SMYD3: variants seen among roughly 807,000 people sequenced by gnomAD.
SMYD3 encodes histone-lysine N-methyltransferase SMYD3.
A neutral mutation model predicts 57.7 loss-of-function variants in SMYD3; 36 were observed. The observed-to-expected ratio is 0.62, with a 90% CI of 0.48 to 0.82. The LOEUF is 0.82. Among genes scored for constraint, SMYD3 ranks in the 40% least tolerant of loss-of-function variants. The pLI, the probability that SMYD3 is intolerant of heterozygous loss-of-function variation, is 0.00. For missense variants in SMYD3, 515 were observed against 538.8 expected (o/e 0.96, Z 0.44); for synonymous variants, 211 against 195.0 (o/e 1.08, Z -0.68).
chr1:245,816,734 G>T (rs1009010048), intron 10 of SMYD3, among the ~76,000 whole-genome samples: 3 of 152,108 alleles, frequency 2.0e-5, no homozygotes, highest in African/African-American at 4.8e-5. Context: ...TGCCTCACTC[G>T]GGAAGCGCCA....
chr1:246,499,134 G>T (rs761112388), intron 1 of SMYD3, among the ~76,000 whole-genome samples: 8 of 151,530 alleles, frequency 5.3e-5, no homozygotes, highest in Non-Finnish European at 8.8e-5. Context: ...GTAAAGCAAT[G>T]CAATTCTCAT....
Position 246,116,990 on chromosome 1 carries a change from C to T in SMYD3, c.532-187053G>A, listed in dbSNP as rs556473569. Among the ~76,000 whole-genome samples the T allele has an allele frequency of 4.6e-5, 7 of 152,274 alleles. No homozygotes were observed. The East Asian group carries it at 1.3e-3, about 29-fold the overall frequency. On this transcript the variant is annotated intron_variant, in intron 5 of 11. Coordinates refer to ENST00000490107, the MANE Select transcript of SMYD3 (RefSeq NM_001167740.2). ...ATGGTTTTCCTTAAAAACTCTTACT[C>T]CAGTGGATAAATTATAAATATTAGA...
intron 5 of SMYD3, among the ~76,000 whole-genome samples, chr1:246,103,376 A>G (rs1227284591): frequency 3.3e-5 from 5 of 151,940 alleles, no homozygotes; most frequent in Non-Finnish European, 7.4e-5. Context: ...TGGATGCAAA[A>G]ATTATCTGTA....
intron 5 of SMYD3, among the ~76,000 whole-genome samples, chr1:246,127,243 G>A (rs1358762026): frequency 6.6e-6 from 1 of 152,074 alleles, no homozygotes; most frequent in African/African-American, 2.4e-5. Flanking sequence ...CAAGGCACCA[G>A]TTCCCATGCC....
intron 1 of SMYD3, among the ~76,000 whole-genome samples, chr1:246,444,820 GTCAT>G (rs2067529397): frequency 6.6e-6 from 1 of 152,158 alleles, no homozygotes; most frequent in Non-Finnish European, 1.5e-5. Context: ...AAAGCTGTCA[GTCAT>G]AATGTTCTAA....
intron 5 of SMYD3, 26 bp downstream of exon 5, chr1:246,327,175 T>C (rs907225690): frequency 6.2e-7 from 1 of 1,612,980 alleles, no homozygotes; most frequent in Admixed American, 1.7e-5. Context: ...TGTATGGAAT[T>C]AGCAAAGAGC....
At chr1:245,805,264 GA>G (rs1176380386) in intron 10 of SMYD3, among the ~76,000 whole-genome samples, 8 of 151,120 alleles carry the variant, frequency 5.3e-5, no homozygotes, top group Middle Eastern at 3.4e-3. Context: ...TAATATAAGA[GA>G]GGGGCAAGTT....
At chr1:246,101,541 A>G (rs2061015906) in intron 5 of SMYD3, among the ~76,000 whole-genome samples, 1 of 152,228 alleles carries the variant, frequency 6.6e-6, no homozygotes, top group African/African-American at 2.4e-5. Flanking sequence ...TTAAAAGCTT[A>G]GCTCATAACT....
intron 1 of SMYD3, among the ~76,000 whole-genome samples, chr1:246,464,851 C>T (rs2067859443): frequency 6.6e-6 from 1 of 152,304 alleles, no homozygotes; most frequent in African/African-American, 2.4e-5. Context: ...TAGCATCTTC[C>T]TTTGTTCTCT....
At chr1:245,808,653 G>A (rs564289894) in intron 10 of SMYD3, among the ~76,000 whole-genome samples, 13 of 152,258 alleles carry the variant, frequency 8.5e-5, no homozygotes, top group African/African-American at 2.2e-4. Flanking sequence ...TTGTGCAGGT[G>A]TAGTTGTCTC....
intron 5 of SMYD3, among the ~76,000 whole-genome samples, chr1:246,236,214 T>C (rs1195097477): frequency 6.6e-6 from 1 of 152,122 alleles, no homozygotes; most frequent in Non-Finnish European, 1.5e-5. Flanking sequence ...ATACATTTAA[T>C]TATTTATTTA....
chr1:246,431,740 A>T (rs2067299619), intron 1 of SMYD3, among the ~76,000 whole-genome samples: 1 of 152,130 alleles, frequency 6.6e-6, no homozygotes, highest in African/African-American at 2.4e-5. Context: ...TCAAAAAACA[A>T]ATAAATAAAT....
intron 5 of SMYD3, among the ~76,000 whole-genome samples, chr1:246,179,918 G>A (rs1057492063): frequency 6.6e-6 from 1 of 152,104 alleles, no homozygotes; most frequent in Non-Finnish European, 1.5e-5. Flanking sequence ...CTGGCTCTCA[G>A]TCTGGTCAGA....
chr1:246,078,877 C>A (rs1204914892), intron 5 of SMYD3, among the ~76,000 whole-genome samples: 2 of 152,200 alleles, frequency 1.3e-5, no homozygotes, highest in African/African-American at 4.8e-5. Context: ...ATTTACTGAG[C>A]ACCAAGTATC....
chr1:246,506,994 C>CCCCCCCCCCCCCCCCCCCCCA, intron 1 of SMYD3, 60 bp downstream of exon 1: 3 of 894,048 alleles, frequency 3.4e-6, no homozygotes, highest in East Asian at 4.5e-5. Flanking sequence ...CCGACGCCCC[C>CCCCCCCCCCCCCCCCCCCCCA]CCCTCCCCAG....
chr1:246,115,139 G>C (rs1157358605), intron 5 of SMYD3, among the ~76,000 whole-genome samples: 1 of 146,548 alleles, frequency 6.8e-6, no homozygotes, highest in Non-Finnish European at 1.5e-5. Context: ...TACAGGGAGA[G>C]AAATCAACAA....
intron 10 of SMYD3, among the ~76,000 whole-genome samples, chr1:245,776,158 T>A (rs1170156913): frequency 1.3e-5 from 2 of 152,234 alleles, no homozygotes; most frequent in Non-Finnish European, 2.9e-5. Flanking sequence ...GACTTATATA[T>A]CCTTCACAAT....
intron 5 of SMYD3, among the ~76,000 whole-genome samples, chr1:246,176,017 T>C (rs2062428222): frequency 6.6e-6 from 1 of 152,216 alleles, no homozygotes. Context: ...AGAAGAGATA[T>C]TTATTCAAAA....
intron 1 of SMYD3, among the ~76,000 whole-genome samples, chr1:246,435,931 G>A (rs931885761): frequency 2.6e-5 from 4 of 152,156 alleles, no homozygotes; most frequent in Non-Finnish European, 2.9e-5. Context: ...GGTTTATCGA[G>A]GGCAGACACT....
Sources: gnomAD v4.1 joint callset for allele counts (sites outside exome capture counted in the v4.1 genomes callset) on GRCh38, gnomAD v4.1.1 for gene constraint, MANE v1.5 for transcripts, NCBI Gene and HGNC (gene_info 2026-07-23, HGNC 2026-07-21) for gene names.